Variants in WDR20 observed in about 807,000 individuals in gnomAD.
WDR20 encodes WD repeat domain 20, also known as WD repeat-containing protein 20.
A neutral mutation model predicts 38.7 loss-of-function variants in WDR20; 3 were observed. The observed-to-expected ratio is 0.08, with a 90% CI of 0.04 to 0.20. The LOEUF (loss-of-function observed/expected upper bound fraction) is 0.20. Ranked by LOEUF, WDR20 falls within the 10% of genes least tolerant of loss-of-function variation. The pLI is 1.00. For missense variants in WDR20, 559 were observed against 727.7 expected (o/e 0.77, Z 2.67); for synonymous variants, 298 against 285.6 (o/e 1.04, Z -0.44).
At chr14:102,163,092 C>T (rs1325074298) in intron 1 of WDR20, among the ~76,000 whole-genome samples, 1 of 152,060 alleles carries the variant, frequency 6.6e-6, no homozygotes, top group African/African-American at 2.4e-5. Context: ...TGACATGGGG[C>T]CTTTAAGGGC....
At chr14:102,155,223 T>A (rs2057087367) in intron 1 of WDR20, among the ~76,000 whole-genome samples, 1 of 152,164 alleles carries the variant, frequency 6.6e-6, no homozygotes, top group Non-Finnish European at 1.5e-5. Context: ...TTTTTAGGAT[T>A]AGTGAGATAA....
intron 1 of WDR20, among the ~76,000 whole-genome samples, chr14:102,160,786 T>TAA (rs1238033531): frequency 7.1e-6 from 1 of 140,212 alleles, no homozygotes; most frequent in Non-Finnish European, 1.6e-5. Flanking sequence ...ACTAAATATA[T>TAA]AAAAAAAAAA....
chr14:102,144,229 T>A (rs2052686929), intron 1 of WDR20, among the ~76,000 whole-genome samples: 2 of 152,006 alleles, frequency 1.3e-5, no homozygotes, highest in Admixed American at 6.6e-5. Context: ...ACACCTGTAA[T>A]CTCAGCGCTT....
At position 102,209,223 on chromosome 14, in the gene WDR20, G is replaced by C. The variant is rs1025616430; in HGVS notation, c.1053G>C (p.Arg351Ser). The C allele has an allele frequency of 1.2e-6, 2 of 1,614,194 alleles. No homozygotes were observed. Among genetic ancestry groups the C allele is most frequent in the Non-Finnish European group, 1.7e-6 (2 of 1,180,046 alleles). ...ATCGAGCAAATAGTACACAGTCCAG[G>C]CTCTCCAAACGGAACTCTACAGACA... ...GRDRANSTQS[R>S]LSKRNSTDSR... The change falls in exon 3 of 3, where the codon AGG becomes AGC. Residue 351 changes from arginine (R) to serine (S), a missense_variant. By Grantham distance (110) the Arg-to-Ser change is moderately radical (BLOSUM62 -1). Transcript: ENST00000342702. The surrounding 1 kb of genome is among the most constrained non-coding windows in gnomAD (Gnocchi z 6.0).
downstream of WDR20, among the ~76,000 whole-genome samples, chr14:102,217,260 G>C (rs932429630): frequency 1.3e-5 from 2 of 152,226 alleles, no homozygotes; most frequent in Admixed American, 6.5e-5. Flanking sequence ...GCCGGTGCTG[G>C]TCTCCATCAG....
chr14:102,195,689 G>A (rs1377965520), intron 2 of WDR20, among the ~76,000 whole-genome samples: 2 of 152,220 alleles, frequency 1.3e-5, no homozygotes, highest in Admixed American at 6.5e-5. Context: ...GGGGTTTCTA[G>A]TATCTTCAAT....
intron 1 of WDR20, among the ~76,000 whole-genome samples, chr14:102,144,047 G>A (rs1433038103): frequency 6.6e-6 from 1 of 151,370 alleles, no homozygotes; most frequent in Non-Finnish European, 1.5e-5. Flanking sequence ...AGCTGGCCAT[G>A]GTGGTATGTG....
At chr14:102,153,305 T>C (rs61992512) in intron 1 of WDR20, among the ~76,000 whole-genome samples, 1 of 84,764 alleles carries the variant, frequency 1.2e-5, no homozygotes, top group Admixed American at 1.7e-4. Context: ...TGAAACCTCT[T>C]TCTTTTTTTT....
At chr14:102,212,563 T>A, downstream of WDR20, 2 of 1,535,914 alleles carry the variant, frequency 1.3e-6, no homozygotes, top group Non-Finnish European at 1.7e-6. Flanking sequence ...ATGCAAGGTG[T>A]TCTCCAAGAC....
downstream of WDR20, among the ~76,000 whole-genome samples, chr14:102,216,386 G>A (rs2063224357): frequency 6.6e-6 from 1 of 152,038 alleles, no homozygotes; most frequent in Non-Finnish European, 1.5e-5. Flanking sequence ...TTGACCTCCT[G>A]GGCTCAGTGA....
intron 1 of WDR20, among the ~76,000 whole-genome samples, chr14:102,162,458 C>T (rs559115756): frequency 1.9e-4 from 29 of 152,214 alleles, no homozygotes; most frequent in African/African-American, 5.3e-4. Context: ...AGTGCCTGTA[C>T]GTAGTAGGCA....
chr14:102,173,808 G>A (rs1227083524), intron 1 of WDR20, among the ~76,000 whole-genome samples: 2 of 152,048 alleles, frequency 1.3e-5, no homozygotes, highest in East Asian at 1.9e-4. Context: ...ACTTTGGGAG[G>A]CCAAGGCGGG....
downstream of WDR20, among the ~76,000 whole-genome samples, chr14:102,217,645 G>A (rs970809402): frequency 6.6e-6 from 1 of 152,242 alleles, no homozygotes; most frequent in Non-Finnish European, 1.5e-5. Context: ...CTCACGTGCC[G>A]CTTGTGTGAT....
intron 1 of WDR20, among the ~76,000 whole-genome samples, chr14:102,176,352 G>A (rs1596325746): frequency 6.6e-6 from 1 of 151,198 alleles, no homozygotes; most frequent in Non-Finnish European, 1.5e-5. Flanking sequence ...CCAAGATCGC[G>A]CCACTGTACT....
rs542695373 is a variant in WDR20, at chr14:102,162,451, G to T, written c.249+22279G>T. Among the ~76,000 whole-genome samples, 4 of 152,230 alleles carry T rather than the reference G, an allele frequency of 2.6e-5. No individual in the cohort carries two copies. The East Asian group carries it at 7.7e-4, about 29-fold the overall frequency. On this transcript the variant is annotated intron_variant, in intron 1 of 2. Transcript: ENST00000342702. ...TATCTTATTGATCATATCAATAAGTGCCTGTACGTAGTAGGCACATTATGT... is the reference window on the plus strand; with the variant it reads ...TATCTTATTGATCATATCAATAAGTTCCTGTACGTAGTAGGCACATTATGT...
intron 1 of WDR20, among the ~76,000 whole-genome samples, chr14:102,156,931 A>C (rs1046698866): frequency 2.6e-5 from 4 of 152,032 alleles, no homozygotes; most frequent in African/African-American, 4.8e-5. Flanking sequence ...GCGGAGGTTG[A>C]GTGAGCGGAG....
At chr14:102,224,551 C>CTATT (rs1481506638), downstream of WDR20, 6 of 455,848 alleles carry the variant, frequency 1.3e-5, no homozygotes, top group Admixed American at 2.4e-5. Context: ...TGTCTGAAAC[C>CTATT]TATTTCTCTA....
chr14:102,190,496 G>A (rs559895845), intron 1 of WDR20, among the ~76,000 whole-genome samples: 54 of 152,206 alleles, frequency 3.5e-4, no homozygotes, highest in African/African-American at 1.3e-3. Flanking sequence ...AGGAGGCCAC[G>A]GCAAGAGAAA....
chr14:102,143,462 C>T (rs544055032), intron 1 of WDR20, among the ~76,000 whole-genome samples: 1 of 152,120 alleles, frequency 6.6e-6, no homozygotes, highest in Non-Finnish European at 1.5e-5. Flanking sequence ...AGTAATAATA[C>T]CAGGCAAGGT....
Sources: allele counts gnomAD v4.1 joint callset (sites outside exome capture counted in the v4.1 genomes callset), GRCh38; gene constraint gnomAD v4.1.1; non-coding constraint Gnocchi (gnomAD v3.1); transcripts MANE v1.5; gene names NCBI Gene and HGNC (gene_info 2026-07-23, HGNC 2026-07-21).